LINGO2: variants seen among roughly 807,000 people sequenced by gnomAD.
The protein encoded by LINGO2 is leucine rich repeat and Ig domain containing 2.
In LINGO2, 14 loss-of-function variants were observed where a neutral mutation model predicts 30.6. That is an observed-to-expected ratio of 0.46 (90% confidence interval 0.30 to 0.72). The LOEUF (loss-of-function observed/expected upper bound fraction) is 0.72, where lower values mean the gene tolerates loss of function less well. Among genes scored for constraint, LINGO2 ranks in the 30% least tolerant of loss-of-function variants. The pLI, the probability that LINGO2 is intolerant of heterozygous loss-of-function variation, is 0.07. For missense variants in LINGO2, 729 were observed against 751.7 expected, an observed-to-expected ratio of 0.97 and a Z score of 0.35; for synonymous variants, 317 against 288.5, an observed-to-expected ratio of 1.10 and a Z score of -1.00.
At chr9:28,677,430 T>C in the LINGO2 span, among the ~76,000 whole-genome samples, 1 of 152,148 alleles carries the variant, frequency 6.6e-6, no homozygotes, top group Non-Finnish European at 1.5e-5. Flanking sequence ...ACTCACAATA[T>C]TGGTAGAGCA....
chr9:28,096,684 TC>T, intron 4 of LINGO2, among the ~76,000 whole-genome samples: 1 of 63,648 alleles, frequency 1.6e-5, no homozygotes, highest in East Asian at 1.6e-3. Context: ...CTGGGCTAGG[TC>T]CTGGCCAGGC....
chr9:28,189,622 AGGAAGGGAGGG>A lies in LINGO2; in HGVS notation c.-87+105575_-87+105585del, dbSNP rs1160120412. On this transcript the variant is annotated intron_variant, in intron 4 of 5. Coordinates refer to ENST00000379992, the Ensembl canonical transcript of LINGO2. ...AAGGGAGGAAGGAAGGGAGGGAGGG[AGGAAGGGAGGG>A]AGGAAGGAAGGGAGGGAGGAAGGAA... Among the ~76,000 whole-genome samples the A allele has an allele frequency of 2.7e-4, 6 of 22,478 alleles. 1 individual carries two copies. The highest frequency in any genetic ancestry group is 1.2e-3 in the African/African-American group (6 of 5,028). 14.7% of individuals were successfully genotyped at this position (22,478 alleles called of 152,430 possible).
chr9:28,501,908 T>C (rs570650053), intron 1 of LINGO2, among the ~76,000 whole-genome samples: 33 of 151,532 alleles, frequency 2.2e-4, no homozygotes, highest in African/African-American at 6.3e-4. Flanking sequence ...TGAATAGGCA[T>C]GGAAACACAA....
the LINGO2 span, among the ~76,000 whole-genome samples, chr9:28,852,992 A>G: frequency 6.6e-6 from 1 of 152,048 alleles, no homozygotes; most frequent in African/African-American, 2.4e-5. Flanking sequence ...CATTTCTCAA[A>G]GGAGGGGAAG....
chr9:28,626,801 GT>G (rs1333398993), intron 1 of LINGO2, among the ~76,000 whole-genome samples: 1 of 148,824 alleles, frequency 6.7e-6, no homozygotes, highest in African/African-American at 2.5e-5. Context: ...CCTAGTAAAT[GT>G]TTTTTTCAGC....
intron 5 of LINGO2, among the ~76,000 whole-genome samples, chr9:28,006,574 C>A (rs145486899): frequency 6.6e-5 from 10 of 152,142 alleles, no homozygotes; most frequent in African/African-American, 1.9e-4. Context: ...TCTAGGTTGG[C>A]CATGGAATGT....
chr9:28,032,161 T>C (rs933190148), intron 4 of LINGO2, among the ~76,000 whole-genome samples: 1 of 151,882 alleles, frequency 6.6e-6, no homozygotes, highest in Non-Finnish European at 1.5e-5. Context: ...ATGAAGTAGG[T>C]AATATGGGCA....
intron 1 of LINGO2, among the ~76,000 whole-genome samples, chr9:28,501,875 T>C (rs1337679326): frequency 1.3e-5 from 2 of 151,996 alleles, no homozygotes; most frequent in Non-Finnish European, 2.9e-5. Flanking sequence ...TGCCAATAAA[T>C]AGCTAAGGAA....
chr9:29,028,667 C>T, the LINGO2 span, among the ~76,000 whole-genome samples: 1 of 152,250 alleles, frequency 6.6e-6, no homozygotes, highest in East Asian at 1.9e-4. Context: ...AGAGGTCTCG[C>T]ATTCTTACTT....
the LINGO2 span, among the ~76,000 whole-genome samples, chr9:28,880,874 G>A: frequency 4.9e-3 from 752 of 152,168 alleles, 3 homozygotes; most frequent in Non-Finnish European, 7.1e-3. Context: ...TTGGGTGGAG[G>A]GAAACATAAA....
the LINGO2 span, among the ~76,000 whole-genome samples, chr9:28,859,460 C>G: frequency 6.6e-6 from 1 of 151,998 alleles, no homozygotes; most frequent in Non-Finnish European, 1.5e-5. Context: ...TGAACTGGAA[C>G]TTTTTAAAAC....
chr9:28,210,986 G>C (rs1056660611), intron 4 of LINGO2, among the ~76,000 whole-genome samples: 1 of 151,442 alleles, frequency 6.6e-6, no homozygotes, highest in African/African-American at 2.4e-5. Context: ...TCGAAATGAT[G>C]AAGATTCCTC....
intron 1 of LINGO2, among the ~76,000 whole-genome samples, chr9:28,585,469 T>C (rs967279070): frequency 6.6e-6 from 1 of 151,986 alleles, no homozygotes; most frequent in Non-Finnish European, 1.5e-5. Flanking sequence ...GAAGTTATAA[T>C]GGTGGGAAAG....
the LINGO2 span, among the ~76,000 whole-genome samples, chr9:29,003,924 G>A: frequency 6.6e-6 from 1 of 151,970 alleles, no homozygotes. Flanking sequence ...CAATCTCCCT[G>A]ATAGATTCAA....
chr9:28,343,220 A>G (rs78698568), intron 3 of LINGO2, among the ~76,000 whole-genome samples: 1,685 of 152,318 alleles, frequency 0.011, 23 homozygotes, highest in African/African-American at 0.039. Flanking sequence ...ATGAAGCATC[A>G]TAATAAGACA....
At chr9:29,070,746 A>AG in the LINGO2 span, among the ~76,000 whole-genome samples, 10 of 151,758 alleles carry the variant, frequency 6.6e-5, no homozygotes, top group Non-Finnish European at 1.2e-4. Context: ...ATTTTCCAAA[A>AG]AAAAAAAGAA....
At chr9:28,346,388 G>T (rs1323980823) in intron 3 of LINGO2, among the ~76,000 whole-genome samples, 1 of 152,086 alleles carries the variant, frequency 6.6e-6, no homozygotes, top group African/African-American at 2.4e-5. Flanking sequence ...TCTTTTTTAT[G>T]GCTGCATAGT....
intron 1 of LINGO2, among the ~76,000 whole-genome samples, chr9:28,563,010 C>T: frequency 6.6e-6 from 1 of 151,990 alleles, no homozygotes; most frequent in East Asian, 1.9e-4. Flanking sequence ...CCACGCCCTG[C>T]TAATTTTTGT....
chr9:29,026,060 G>A, the LINGO2 span, among the ~76,000 whole-genome samples: 3 of 151,786 alleles, frequency 2.0e-5, no homozygotes, highest in Non-Finnish European at 4.4e-5. Context: ...TGGAGACAAG[G>A]TCTTGATTTG....
Sources: gnomAD v4.1 joint callset for allele counts (sites outside exome capture counted in the v4.1 genomes callset) on GRCh38, gnomAD v4.1.1 for gene constraint, MANE v1.5 for transcripts, NCBI Gene and HGNC (gene_info 2026-07-23, HGNC 2026-07-21) for gene names.